The following GSPT1 variants were observed in gnomAD, a reference collection of about 807,000 sequenced individuals.
GSPT1 encodes the protein eukaryotic peptide chain release factor GTP-binding subunit ERF3A.
Under a neutral mutation model 72.5 loss-of-function variants are expected in GSPT1, and 20 were observed. The ratio of observed to expected loss-of-function variants is 0.28; its 90% CI spans 0.19 to 0.40. The LOEUF (loss-of-function observed/expected upper bound fraction) is 0.40. Among genes scored for constraint, GSPT1 ranks in the 10% least tolerant of loss-of-function variants. The probability of loss-of-function intolerance (pLI) is 1.00; values close to 1 mark genes in which losing one functional copy is unlikely to be tolerated. For missense variants in GSPT1, 580 were observed against 811.9 expected (o/e 0.71, Z 3.47); for synonymous variants, 334 against 293.5 (o/e 1.14, Z -1.41).
intron 1 of GSPT1, among the ~76,000 whole-genome samples, chr16:11,905,415 C>T (rs1418415805): frequency 4.6e-5 from 7 of 152,178 alleles, no homozygotes; most frequent in Admixed American, 4.6e-4. Context: ...CAAGGATTCT[C>T]CTTAATTGTA....
intron 1 of GSPT1, among the ~76,000 whole-genome samples, chr16:11,912,999 C>G (rs909374079): frequency 6.6e-6 from 1 of 152,194 alleles, no homozygotes; most frequent in South Asian, 2.1e-4. Flanking sequence ...TAAAAACACA[C>G]CCAGCACAAA....
intron 11 of GSPT1, among the ~76,000 whole-genome samples, chr16:11,879,106 T>TA (rs34049247): frequency 0.98 from 145,621 of 149,148 alleles, 71,117 homozygotes; most frequent in East Asian, 1. Flanking sequence ...ATAATAATAA[T>TA]AAAAAAAAGG....
chr16:11,885,138 T>C, intron 10 of GSPT1, 43 bp downstream of exon 10: 1 of 879,780 alleles, frequency 1.1e-6, no homozygotes, highest in Non-Finnish European at 1.9e-6. Flanking sequence ...ACAACAATGA[T>C]TTCCCCTCCC....
chr16:11,915,149 G>C (rs2054615262), intron 1 of GSPT1: 15 of 1,040,996 alleles, frequency 1.4e-5, no homozygotes, highest in South Asian at 1.4e-4. Flanking sequence ...CCGGGTCTTT[G>C]GGCGCGCTGC....
Position 11,878,576 on chromosome 16 carries a change from A to G in GSPT1, c.1429-996T>C, listed in dbSNP as rs1159117052. ...ACTACCGCACTGTAGCCTGAGTGAC[A>G]CAGCGAGACCCTGTCTTTAAAAAAA... is the stretch of plus-strand genomic sequence containing the variant. On this transcript the variant is annotated intron_variant, in intron 11 of 14. Transcript: ENST00000434724. Among the ~76,000 whole-genome samples the G allele has an allele frequency of 2.0e-5, 3 of 149,650 alleles. No individual in the cohort carries two copies. The Admixed American group carries it at 2.0e-4, about 10-fold the overall frequency.
At chr16:11,910,854 C>T (rs1312636911) in intron 1 of GSPT1, among the ~76,000 whole-genome samples, 2 of 152,236 alleles carry the variant, frequency 1.3e-5, no homozygotes, top group Non-Finnish European at 2.9e-5. Flanking sequence ...GTCAAAAATT[C>T]TAACAGTTTA....
Position 11,872,445 on chromosome 16 carries a change from G to A in GSPT1, c.*674C>T, listed in dbSNP as rs1319011975. ...TAAAGCAGTGTCACATTTGCATAAA[G>A]GGATTTAACTGCATGTATGCATTAA... On this transcript the variant is annotated 3_prime_UTR_variant, in exon 15 of 15. Coordinates refer to ENST00000434724, the MANE Select transcript of GSPT1 (RefSeq NM_002094.4). The A allele has an allele frequency of 6.6e-6, 1 of 151,234 alleles. No homozygotes were observed. The highest frequency in any genetic ancestry group is 1.5e-5 in the Non-Finnish European group (1 of 67,876). The allele number at this position is 151,234 out of a possible 1,614,324, so 9.4% of individuals were successfully genotyped here. A position where few individuals can be genotyped will look rare whatever the true frequency, so the allele number is the denominator to read the frequency against.
chr16:11,912,270 C>T (rs1262305685), intron 1 of GSPT1, among the ~76,000 whole-genome samples: 2 of 150,234 alleles, frequency 1.3e-5, no homozygotes, highest in African/African-American at 4.9e-5. Flanking sequence ...ATTGCTTGAA[C>T]CTGGGAGGAG....
At chr16:11,889,382 G>GGTTGGAGT (rs1210046840) in intron 6 of GSPT1, among the ~76,000 whole-genome samples, 1 of 126,322 alleles carries the variant, frequency 7.9e-6, no homozygotes. Context: ...GCTCTGGCCA[G>GGTTGGAGT]GTTGGAGTGC....
In GSPT1 at chr16:11,877,602, G is replaced by A. The variant is rs1445111229; in HGVS notation, c.1429-22C>T. ...TGTGCTTTAAAAGAAAACAAGACTGGAGGTTTTCTGACACATTCACTGCAT... is the reference window on the plus strand; with the variant it reads ...TGTGCTTTAAAAGAAAACAAGACTGAAGGTTTTCTGACACATTCACTGCAT... On this transcript the variant is annotated intron_variant, in intron 11 of 14. Transcript: ENST00000434724. The surrounding 1 kb of genome is among the most constrained non-coding windows in gnomAD (Gnocchi z 4.0). The A allele has an allele frequency of 2.7e-6, 4 of 1,507,698 alleles. 1 individual carries two copies. The Middle Eastern group carries it at 5.2e-4, about 197-fold the overall frequency. The allele number at this position is 1,507,698 out of a possible 1,614,324, so 93.4% of individuals were successfully genotyped here.
At chr16:11,874,059 T>C (rs1011541589) in intron 14 of GSPT1, among the ~76,000 whole-genome samples, 2 of 152,196 alleles carry the variant, frequency 1.3e-5, no homozygotes, top group Non-Finnish European at 2.9e-5. Context: ...TAATTTATAA[T>C]TCTATTTATG....
At chr16:11,891,225 T>G (rs2054254313) in intron 5 of GSPT1, 86 bp from the exon 6 acceptor site, 2 of 630,676 alleles carry the variant, frequency 3.2e-6, no homozygotes. Flanking sequence ...TTGTCGAAAA[T>G]TTCAACGTCA....
intron 1 of GSPT1, among the ~76,000 whole-genome samples, chr16:11,899,201 C>T (rs181624271): frequency 5.2e-4 from 79 of 152,288 alleles, no homozygotes; most frequent in Admixed American, 9.2e-4. Context: ...CCTGTAAAAT[C>T]ATTGCCCGGA....
chr16:11,880,080 G>GA (rs1319888682), intron 11 of GSPT1: 5 of 152,192 alleles, frequency 3.3e-5, no homozygotes, highest in Admixed American at 3.3e-4. Flanking sequence ...CATTTAAGTA[G>GA]AATCATACGG....
intron 1 of GSPT1, among the ~76,000 whole-genome samples, chr16:11,910,375 G>A (rs2054543037): frequency 6.6e-6 from 1 of 152,218 alleles, no homozygotes; most frequent in South Asian, 2.1e-4. Context: ...CTGGGCATCT[G>A]ATCCCTTTCT....
At chr16:11,897,954 A>T in intron 2 of GSPT1, 40 bp downstream of exon 2, 2 of 1,471,794 alleles carry the variant, frequency 1.4e-6, no homozygotes, top group Non-Finnish European at 1.9e-6. Flanking sequence ...TAGACAACCT[A>T]ATGTTTTCTC....
Position 11,915,746 on chromosome 16 carries a change from G to A in GSPT1, c.-26C>T, listed in dbSNP as rs1366107707. On this transcript the variant is annotated 5_prime_UTR_variant, in exon 1 of 15. Transcript: ENST00000434724. Reference sequence around the variant, plus strand: ...GATCGGGGGGGCCGTGTGTGTGGTGGACAGAGAGCGGGAAATGGAGGCAGG... The same window carrying A: ...GATCGGGGGGGCCGTGTGTGTGGTGAACAGAGAGCGGGAAATGGAGGCAGG... The A allele has an allele frequency of 6.5e-7, 1 of 1,544,178 alleles. No homozygotes were observed. Among genetic ancestry groups the A allele is most frequent in the Non-Finnish European group, 8.7e-7 (1 of 1,151,624 alleles).
At chr16:11,880,955 G>C (rs1270929148) in intron 11 of GSPT1, 1 of 152,410 alleles carries the variant, frequency 6.6e-6, no homozygotes, top group Non-Finnish European at 1.5e-5. Flanking sequence ...CTGGTGTGCA[G>C]TGGCGTGATC....
At chr16:11,893,441 A>G (rs2054295145) in intron 5 of GSPT1, among the ~76,000 whole-genome samples, 1 of 152,174 alleles carries the variant, frequency 6.6e-6, no homozygotes, top group Non-Finnish European at 1.5e-5. Flanking sequence ...ATTTAAAAAT[A>G]AAATAACAAG....
Sources: gnomAD v4.1 joint callset for allele counts (sites outside exome capture counted in the v4.1 genomes callset) on GRCh38, gnomAD v4.1.1 for gene constraint, Gnocchi (gnomAD v3.1) non-coding constraint, MANE v1.5 for transcripts, NCBI Gene and HGNC (gene_info 2026-07-23, HGNC 2026-07-21) for gene names.